Variants in LHFPL6 observed in about 807,000 individuals in gnomAD.
LHFPL6 encodes LHFPL tetraspan subfamily member 6.
LHFPL6 carries 9 observed loss-of-function variants against 20.6 expected under a neutral mutation model. The ratio of observed to expected loss-of-function variants is 0.44; its 90% CI spans 0.26 to 0.76. The LOEUF is 0.76. LHFPL6 is among the 30% of genes least tolerant of loss of function. LHFPL6 has a pLI of 0.20. For missense variants in LHFPL6, 218 were observed against 253.5 expected (o/e 0.86, Z 0.95); for synonymous variants, 105 against 98.7 (o/e 1.06, Z -0.38).
chr13:39,474,002 C>T (rs1873014070), intron 2 of LHFPL6, among the ~76,000 whole-genome samples: 1 of 152,182 alleles, frequency 6.6e-6, no homozygotes, highest in African/African-American at 2.4e-5. Context: ...TATGTTAGGA[C>T]AGAGTTTGGG....
At chr13:39,441,294 G>A (rs925166598) in intron 2 of LHFPL6, among the ~76,000 whole-genome samples, 1 of 151,552 alleles carries the variant, frequency 6.6e-6, no homozygotes, top group Admixed American at 6.6e-5. Context: ...CCCCTGCCTT[G>A]TTAAATGCAT....
chr13:39,584,386 G>C (rs1263205903), intron 2 of LHFPL6, among the ~76,000 whole-genome samples: 1 of 151,898 alleles, frequency 6.6e-6, no homozygotes, highest in Admixed American at 6.6e-5. Flanking sequence ...AATTAGCTGG[G>C]CGTGGTGGCA....
At chr13:39,598,620 A>G (rs1402272104) in intron 2 of LHFPL6, among the ~76,000 whole-genome samples, 2 of 152,082 alleles carry the variant, frequency 1.3e-5, no homozygotes, top group Non-Finnish European at 2.9e-5. Flanking sequence ...TAGTGGCCCA[A>G]TCTCAGCTCA....
At chr13:39,441,907 G>A (rs1312537958) in intron 2 of LHFPL6, among the ~76,000 whole-genome samples, 6 of 134,920 alleles carry the variant, frequency 4.4e-5, no homozygotes, top group Non-Finnish European at 9.1e-5. Flanking sequence ...TCGGCTCATT[G>A]CAACCTCCGC....
At chr13:39,438,190 G>C (rs763583660) in intron 2 of LHFPL6, among the ~76,000 whole-genome samples, 4 of 152,208 alleles carry the variant, frequency 2.6e-5, no homozygotes, top group Non-Finnish European at 4.4e-5. Flanking sequence ...GGTCACTTTT[G>C]CTACGCTTTA....
At chr13:39,578,522 G>A (rs1438760940) in intron 2 of LHFPL6, among the ~76,000 whole-genome samples, 1 of 152,118 alleles carries the variant, frequency 6.6e-6, no homozygotes, top group Non-Finnish European at 1.5e-5. Flanking sequence ...GAGAGTGATG[G>A]ACACAAGAAG....
chr13:39,356,602 T>C (rs770962998), intron 3 of LHFPL6, among the ~76,000 whole-genome samples: 2 of 152,168 alleles, frequency 1.3e-5, no homozygotes, highest in African/African-American at 2.4e-5. Context: ...AGGATGCACA[T>C]GATAGATAGA....
At chr13:39,412,612 A>G (rs1326736389) in intron 2 of LHFPL6, among the ~76,000 whole-genome samples, 6 of 152,204 alleles carry the variant, frequency 3.9e-5, no homozygotes, top group Admixed American at 2.0e-4. Flanking sequence ...AAGTACAGAG[A>G]GACTACTTCC....
chr13:39,511,309 T>C (rs529302896), intron 2 of LHFPL6, among the ~76,000 whole-genome samples: 13 of 152,300 alleles, frequency 8.5e-5, no homozygotes, highest in East Asian at 5.8e-4. Flanking sequence ...CTTAAAGTAA[T>C]ACAATATTAT....
intron 3 of LHFPL6, among the ~76,000 whole-genome samples, chr13:39,371,833 G>C (rs1870174424): frequency 6.6e-6 from 1 of 152,190 alleles, no homozygotes; most frequent in East Asian, 1.9e-4. Context: ...CCTTTGAGCG[G>C]ACACATGACA....
chr13:39,380,604 C>G (rs1037513754), intron 2 of LHFPL6, among the ~76,000 whole-genome samples: 1 of 151,518 alleles, frequency 6.6e-6, no homozygotes, highest in African/African-American at 2.4e-5. Flanking sequence ...TCTGCCTCCC[C>G]ATCTCTGCCT....
intron 2 of LHFPL6, among the ~76,000 whole-genome samples, chr13:39,520,668 T>C (rs1462476974): frequency 6.6e-6 from 1 of 152,074 alleles, no homozygotes; most frequent in Non-Finnish European, 1.5e-5. Flanking sequence ...AGCTATCAAA[T>C]AGTGGAGCCA....
At chr13:39,581,062 A>G (rs1872266252) in intron 2 of LHFPL6, among the ~76,000 whole-genome samples, 1 of 152,230 alleles carries the variant, frequency 6.6e-6, no homozygotes, top group Admixed American at 6.5e-5. Flanking sequence ...AGCATCCCAC[A>G]TGGGGGGAAA....
intron 2 of LHFPL6, among the ~76,000 whole-genome samples, chr13:39,482,416 C>T (rs1868557496): frequency 6.7e-6 from 1 of 149,074 alleles, no homozygotes; most frequent in Admixed American, 6.7e-5. Flanking sequence ...GCACTCAAGC[C>T]TGGGCTATAG....
At chr13:39,350,567 A>G (rs1268911608) in intron 3 of LHFPL6, among the ~76,000 whole-genome samples, 1 of 152,254 alleles carries the variant, frequency 6.6e-6, no homozygotes, top group Non-Finnish European at 1.5e-5. Context: ...GCTTGTTATT[A>G]TAATGCAAAC....
At position 39,540,401 on chromosome 13, in the gene LHFPL6, A is replaced by AT. The variant is rs1262384428; in HGVS notation, c.385+60430dup. Among the ~76,000 whole-genome samples, 6 of 152,212 alleles carry AT rather than the reference A, an allele frequency of 3.9e-5. No individual in the cohort carries two copies. In the East Asian group the frequency reaches 1.2e-3, roughly 29 times the overall value. On this transcript the variant is annotated intron_variant, in intron 2 of 3. Coordinates refer to ENST00000379589, the MANE Select transcript of LHFPL6 (RefSeq NM_005780.3). Reference sequence around the variant, plus strand: ...AAAGTTGTTTACAGAAACATTATGTATTTTTACCTGCTTTTAAGAATCTTA... The same window carrying AT: ...AAAGTTGTTTACAGAAACATTATGTATTTTTTACCTGCTTTTAAGAATCTTA...
At chr13:39,516,585 T>C (rs1215428680) in intron 2 of LHFPL6, among the ~76,000 whole-genome samples, 1 of 152,198 alleles carries the variant, frequency 6.6e-6, no homozygotes, top group Non-Finnish European at 1.5e-5. Flanking sequence ...GCAACAAGGA[T>C]GACTGGATGT....
intron 2 of LHFPL6, among the ~76,000 whole-genome samples, chr13:39,426,045 G>C (rs1445550503): frequency 6.6e-6 from 1 of 152,028 alleles, no homozygotes; most frequent in Non-Finnish European, 1.5e-5. Context: ...CTATTTTTAT[G>C]TGTACAAGTG....
intron 2 of LHFPL6, among the ~76,000 whole-genome samples, chr13:39,514,083 C>T (rs944416026): frequency 2.0e-5 from 3 of 152,076 alleles, no homozygotes; most frequent in Admixed American, 6.6e-5. Flanking sequence ...CTGAGGATCA[C>T]GAGACCCATG....
Sources: gnomAD v4.1 joint callset for allele counts (sites outside exome capture counted in the v4.1 genomes callset) on GRCh38, gnomAD v4.1.1 for gene constraint, MANE v1.5 for transcripts, NCBI Gene and HGNC (gene_info 2026-07-23, HGNC 2026-07-21) for gene names.